ZC3H7A: variants seen among roughly 807,000 people sequenced by gnomAD.
The protein encoded by ZC3H7A is zinc finger CCCH domain-containing protein 7A.
A neutral mutation model predicts 125.5 loss-of-function variants in ZC3H7A; 44 were observed. That is an observed-to-expected ratio of 0.35 (90% CI 0.28 to 0.45). The LOEUF is 0.45. Ranked by LOEUF, ZC3H7A falls within the 20% of genes least tolerant of loss-of-function variation. The pLI, the probability that ZC3H7A is intolerant of heterozygous loss-of-function variation, is 1.00. For synonymous variants in ZC3H7A, 399 were observed against 391.2 expected (o/e 1.02, Z -0.23); for missense variants, 977 against 1,170.7 (o/e 0.83, Z 2.41).
In ZC3H7A at chr16:11,797,104, C is replaced by A. The variant is rs1378757392; in HGVS notation, c.-35+20G>T. The A allele has an allele frequency of 6.9e-6, 1 of 144,060 alleles. No individual in the cohort carries two copies. Among genetic ancestry groups the A allele is most frequent in the African/African-American group, 2.7e-5 (1 of 37,730 alleles). 8.9% of individuals were successfully genotyped at this position (144,060 alleles called of 1,614,324 possible). On this transcript the variant is annotated intron_variant, in intron 1 of 22. Transcript: ENST00000355758. ...GCGCGCGCGTTTCCTTCATGCCCGG[C>A]GGCGTCCCCCTACCCCTACCTGTGG... is the stretch of plus-strand genomic sequence containing the variant.
intron 12 of ZC3H7A, 70 bp downstream of exon 12, chr16:11,768,245 A>G (rs1190539629): frequency 7.5e-7 from 1 of 1,325,828 alleles, no homozygotes; most frequent in Admixed American, 2.8e-5. Context: ...ATGTATTTAC[A>G]AATTCCTAAG....
chr16:11,784,224 T>C (rs2053218869), intron 1 of ZC3H7A, among the ~76,000 whole-genome samples: 1 of 152,062 alleles, frequency 6.6e-6, no homozygotes, highest in Admixed American at 6.6e-5. Context: ...ATGCCAAAAA[T>C]ATGGATAATG....
chr16:11,792,001 T>G (rs2141222999), intron 1 of ZC3H7A, among the ~76,000 whole-genome samples: 1 of 152,240 alleles, frequency 6.6e-6, no homozygotes, highest in East Asian at 1.9e-4. Context: ...AGCCTCAACC[T>G]CCAGAGCTCA....
In ZC3H7A at chr16:11,762,049, A is replaced by G; in HGVS notation, c.2080-6T>C. The G allele has an allele frequency of 6.3e-7, 1 of 1,583,218 alleles. No homozygotes were observed. Among genetic ancestry groups the G allele is most frequent in the East Asian group, 2.3e-5 (1 of 44,392 alleles). Reference sequence around the variant, plus strand: ...ATTATTTGATTACCAAGTACCTTAAACAATTAAAAGATTCGTTTTAATTTT... The same window carrying G: ...ATTATTTGATTACCAAGTACCTTAAGCAATTAAAAGATTCGTTTTAATTTT... On this transcript the variant is annotated splice_polypyrimidine_tract_variant and splice_region_variant and intron_variant, in intron 17 of 22. Coordinates refer to ENST00000355758, the MANE Select transcript of ZC3H7A (RefSeq NM_014153.4).
chr16:11,763,735 A>AAAG, intron 15 of ZC3H7A, 76 bp from the exon 16 acceptor site: 3 of 20,182 alleles, frequency 1.5e-4, no homozygotes, highest in South Asian at 3.4e-3. Context: ...ATATATATAT[A>AAAG]TATATATATA....
At chr16:11,757,100 T>C (rs1239775550) in intron 20 of ZC3H7A, among the ~76,000 whole-genome samples, 1 of 152,190 alleles carries the variant, frequency 6.6e-6, no homozygotes, top group Non-Finnish European at 1.5e-5. Flanking sequence ...CCCTGGCCTC[T>C]GCCCACTAGA....
chr16:11,791,265 A>G (rs1294267203), intron 1 of ZC3H7A, among the ~76,000 whole-genome samples: 2 of 151,926 alleles, frequency 1.3e-5, no homozygotes, highest in Non-Finnish European at 2.9e-5. Flanking sequence ...AGCTTCACAC[A>G]TGAGGCTCCC....
chr16:11,787,013 G>C (rs2053266426), intron 1 of ZC3H7A, among the ~76,000 whole-genome samples: 1 of 152,176 alleles, frequency 6.6e-6, no homozygotes, highest in Non-Finnish European at 1.5e-5. Context: ...CTTAATGTGA[G>C]TTTTGACAAA....
At chr16:11,767,675 T>C in intron 12 of ZC3H7A, 97 bp from the exon 13 acceptor site, 1 of 1,221,340 alleles carries the variant, frequency 8.2e-7, no homozygotes, top group East Asian at 2.6e-5. Flanking sequence ...TGAACATCAA[T>C]TATTAAATTC....
chr16:11,794,134 A>T (rs1292420536), intron 1 of ZC3H7A, among the ~76,000 whole-genome samples: 1 of 152,170 alleles, frequency 6.6e-6, no homozygotes, highest in Non-Finnish European at 1.5e-5. Context: ...GCTTCATGAC[A>T]AATGATTTGC....
At chr16:11,769,135 G>C in intron 10 of ZC3H7A, 40 bp from the exon 11 acceptor site, 1 of 1,551,312 alleles carries the variant, frequency 6.4e-7, no homozygotes, top group Non-Finnish European at 8.8e-7. Flanking sequence ...TTTTCATTCT[G>C]ATCACGTAAT....
chr16:11,768,636 G>T, intron 11 of ZC3H7A, 135 bp from the exon 12 acceptor site: 1 of 763,296 alleles, frequency 1.3e-6, no homozygotes, highest in Non-Finnish European at 1.9e-6. Flanking sequence ...CATCCTTAAT[G>T]CTCTTCTATC....
chr16:11,754,035 A>T (rs1044693409), intron 21 of ZC3H7A: 2 of 152,090 alleles, frequency 1.3e-5, no homozygotes, highest in Non-Finnish European at 2.9e-5. Context: ...TCATGCCTAT[A>T]ATCACAGCAC....
At chr16:11,766,450 A>C (rs189518895) in intron 13 of ZC3H7A, among the ~76,000 whole-genome samples, 2 of 152,358 alleles carry the variant, frequency 1.3e-5, no homozygotes, top group Admixed American at 1.3e-4. Flanking sequence ...CTGTAATTCC[A>C]GCTATTCGGT....
At position 11,765,021 on chromosome 16, in the gene ZC3H7A, G is replaced by T; in HGVS notation, c.1820+32C>A. The stretch of plus-strand genomic sequence containing the variant: ...CAGATCTAGAAAAAGAATCTATTTT[G>T]TCATTACAGAAATTAGAAACTATCA... On this transcript the variant is annotated intron_variant, in intron 15 of 22. Coordinates refer to ENST00000355758, the MANE Select transcript of ZC3H7A (RefSeq NM_014153.4). The surrounding 1 kb of genome is among the most constrained non-coding windows in gnomAD (Gnocchi z 4.8). 1 of 1,398,796 alleles carries T rather than the reference G, an allele frequency of 7.1e-7. No homozygotes were observed. The allele number at this position is 1,398,796 out of a possible 1,614,324, so 86.6% of individuals were successfully genotyped here.
At chr16:11,792,185 G>A (rs959361025) in intron 1 of ZC3H7A, among the ~76,000 whole-genome samples, 3 of 152,180 alleles carry the variant, frequency 2.0e-5, no homozygotes, top group African/African-American at 7.2e-5. Context: ...TGGGATTACA[G>A]GCGTGACCTG....
At chr16:11,762,241 G>T (rs370104590) in intron 17 of ZC3H7A, among the ~76,000 whole-genome samples, 198 bp from the exon 18 acceptor site, 28 of 152,088 alleles carry the variant, frequency 1.8e-4, no homozygotes, top group African/African-American at 6.8e-4. Context: ...AAAAGTAGAT[G>T]ATAGATGCCA....
chr16:11,797,064 G>T (rs1317291971), intron 1 of ZC3H7A, 60 bp downstream of exon 1: 1 of 144,160 alleles, frequency 6.9e-6, no homozygotes, highest in Non-Finnish European at 1.5e-5. Context: ...GCGCGCGGGG[G>T]GGGCGGGGGC....
chr16:11,789,805 C>G (rs1050292077), intron 1 of ZC3H7A, among the ~76,000 whole-genome samples: 7 of 151,858 alleles, frequency 4.6e-5, no homozygotes, highest in African/African-American at 1.7e-4. Context: ...GATAGGCCAG[C>G]CATGGTGGCT....
Sources: allele counts gnomAD v4.1 joint callset (sites outside exome capture counted in the v4.1 genomes callset), GRCh38; gene constraint gnomAD v4.1.1; non-coding constraint Gnocchi (gnomAD v3.1); transcripts MANE v1.5; gene names NCBI Gene and HGNC (gene_info 2026-07-23, HGNC 2026-07-21).